The following KCTD8 variants were observed in gnomAD, a reference collection of about 807,000 sequenced individuals.
The protein encoded by KCTD8 is BTB/POZ domain-containing protein KCTD8.
Under a neutral mutation model 31.5 loss-of-function variants are expected in KCTD8, and 27 were observed. The observed-to-expected ratio is 0.86, with a 90% CI of 0.63 to 1.18. The LOEUF is 1.18. KCTD8 is among the 50% of genes most tolerant of loss of function. The probability of loss-of-function intolerance (pLI) is 0.00; values close to 1 mark genes in which losing one functional copy is unlikely to be tolerated. For synonymous variants in KCTD8, 290 were observed against 280.0 expected, an observed-to-expected ratio of 1.04 and a Z score of -0.36; for missense variants, 658 against 647.7, an observed-to-expected ratio of 1.02 and a Z score of -0.17.
chr4:44,279,085 CT>C (rs902977098), intron 1 of KCTD8, among the ~76,000 whole-genome samples: 45 of 152,118 alleles, frequency 3.0e-4, no homozygotes, highest in Admixed American at 9.8e-4. Context: ...TTGGCTATAC[CT>C]TTACATTTCA....
chr4:44,269,918 T>C (rs1716527329), intron 1 of KCTD8, among the ~76,000 whole-genome samples: 1 of 152,118 alleles, frequency 6.6e-6, no homozygotes, highest in East Asian at 1.9e-4. Flanking sequence ...TGTGGAGAAA[T>C]AGGAACACTT....
chr4:44,241,991 T>G (rs1304299000), intron 1 of KCTD8, among the ~76,000 whole-genome samples: 3 of 152,236 alleles, frequency 2.0e-5, no homozygotes, highest in Non-Finnish European at 4.4e-5. Context: ...TATTGTTAAT[T>G]TCTAAATCAG....
chr4:44,419,747 T>C (rs981854606), intron 1 of KCTD8, among the ~76,000 whole-genome samples: 1 of 151,994 alleles, frequency 6.6e-6, no homozygotes, highest in Non-Finnish European at 1.5e-5. Context: ...AAATACCTAA[T>C]GTAAATGACT....
At chr4:44,301,471 T>C (rs908189026) in intron 1 of KCTD8, among the ~76,000 whole-genome samples, 1 of 152,272 alleles carries the variant, frequency 6.6e-6, no homozygotes, top group East Asian at 1.9e-4. Context: ...TGGCCAGTGA[T>C]GATGAGCATT....
intron 1 of KCTD8, among the ~76,000 whole-genome samples, chr4:44,447,200 G>A (rs1354534501): frequency 6.6e-6 from 1 of 152,256 alleles, no homozygotes; most frequent in African/African-American, 2.4e-5. Flanking sequence ...GGGTGGAGGA[G>A]GGTCTATGCA....
At chr4:44,269,621 A>C (rs1441261987) in intron 1 of KCTD8, among the ~76,000 whole-genome samples, 3 of 152,208 alleles carry the variant, frequency 2.0e-5, no homozygotes, top group Admixed American at 6.5e-5. Context: ...AAATGGGAGA[A>C]AATTTTCGCA....
chr4:44,177,709 G>C (rs1158316685), intron 1 of KCTD8, among the ~76,000 whole-genome samples: 2 of 152,170 alleles, frequency 1.3e-5, no homozygotes, highest in Non-Finnish European at 2.9e-5. Flanking sequence ...GGCCTTCTCA[G>C]TCATGTGGAA....
At chr4:44,211,898 T>C (rs1480617501) in intron 1 of KCTD8, among the ~76,000 whole-genome samples, 3 of 152,122 alleles carry the variant, frequency 2.0e-5, no homozygotes, top group Non-Finnish European at 4.4e-5. Context: ...CATTATTTTA[T>C]AGTTTTATAG....
Position 44,235,549 on chromosome 4 carries a change from ATATATATATATATATATATATATATATT to A in KCTD8, c.962-60327_962-60300del, listed in dbSNP as rs1323751297. Among the ~76,000 whole-genome samples the A allele has an allele frequency of 6.5e-4, 56 of 86,654 alleles. 3 individuals carry two copies. The highest frequency in any genetic ancestry group is 2.8e-3 in the African/African-American group (53 of 18,936). 56.8% of individuals were successfully genotyped at this position (86,654 alleles called of 152,430 possible). ...ATTATATATATATATATATATATAT[ATATATATATATATATATATATATATATT>A]TAGAGAGAGAGAGAGAGAGAGAGAG... On this transcript the variant is annotated intron_variant, in intron 1 of 1. Coordinates refer to ENST00000360029, the MANE Select transcript of KCTD8 (RefSeq NM_198353.3).
At chr4:44,324,752 A>G (rs188409523) in intron 1 of KCTD8, among the ~76,000 whole-genome samples, 135 of 152,084 alleles carry the variant, frequency 8.9e-4, no homozygotes, top group Non-Finnish European at 1.7e-3. Context: ...GAGACTTTTG[A>G]TAAACATGTT....
chr4:44,317,037 CTA>C (rs539711136), intron 1 of KCTD8, among the ~76,000 whole-genome samples: 72 of 150,642 alleles, frequency 4.8e-4, no homozygotes, highest in African/African-American at 1.7e-3. Context: ...AACCAGACTC[CTA>C]AACTTGTTAG....
chr4:44,240,169 T>C (rs1020578468), intron 1 of KCTD8, among the ~76,000 whole-genome samples: 1 of 152,242 alleles, frequency 6.6e-6, no homozygotes, highest in Non-Finnish European at 1.5e-5. Flanking sequence ...GATGATTTAC[T>C]GAAATTGAGA....
rs1040618123 is a variant in KCTD8 at position 44,224,376 on chromosome 4, G to T, written c.962-49126C>A. Among the ~76,000 whole-genome samples, 10 of 152,016 alleles carry T rather than the reference G, an allele frequency of 6.6e-5. No individual in the cohort carries two copies. In the South Asian group the frequency reaches 1.5e-3, roughly 22 times the overall value. The stretch of plus-strand genomic sequence containing the variant: ...ACCAACATGCAGAAAACTCCTTTTT[G>T]TGTGTGTGTGTAATTTCTCACCTCA... On this transcript the variant is annotated intron_variant, in intron 1 of 1. Transcript: ENST00000360029.
chr4:44,312,495 C>A (rs1170996270), intron 1 of KCTD8, among the ~76,000 whole-genome samples: 3 of 151,456 alleles, frequency 2.0e-5, no homozygotes. Flanking sequence ...TAAAATTATT[C>A]AAGCACTAAA....
chr4:44,379,505 T>G (rs1720004871), intron 1 of KCTD8, among the ~76,000 whole-genome samples: 1 of 152,064 alleles, frequency 6.6e-6, no homozygotes, highest in Admixed American at 6.6e-5. Flanking sequence ...ATTTGGAAAT[T>G]TTGTGCAAAT....
At chr4:44,389,505 T>G (rs1368491032) in intron 1 of KCTD8, among the ~76,000 whole-genome samples, 1 of 151,738 alleles carries the variant, frequency 6.6e-6, no homozygotes, top group Admixed American at 6.6e-5. Context: ...ACTGTATGAT[T>G]CCATATGATT....
chr4:44,441,800 T>C (rs752743668), intron 1 of KCTD8, among the ~76,000 whole-genome samples: 1 of 152,180 alleles, frequency 6.6e-6, no homozygotes. Flanking sequence ...TAAAATTAGG[T>C]GACAATAAAT....
At chr4:44,364,987 T>C (rs944019162) in intron 1 of KCTD8, among the ~76,000 whole-genome samples, 1 of 151,992 alleles carries the variant, frequency 6.6e-6, no homozygotes, top group East Asian at 1.9e-4. Context: ...GAAACTGTAA[T>C]GGTAGATACA....
At chr4:44,359,700 T>C (rs1485941474) in intron 1 of KCTD8, among the ~76,000 whole-genome samples, 2 of 152,152 alleles carry the variant, frequency 1.3e-5, no homozygotes, top group Admixed American at 1.3e-4. Context: ...ATTAAATCCA[T>C]GTAGGGCAAT....
Sources: gnomAD v4.1 joint callset for allele counts (sites outside exome capture counted in the v4.1 genomes callset) on GRCh38, gnomAD v4.1.1 for gene constraint, MANE v1.5 for transcripts, NCBI Gene and HGNC (gene_info 2026-07-23, HGNC 2026-07-21) for gene names.